The following FHIT variants were observed in gnomAD, a reference collection of about 807,000 sequenced individuals.
The protein encoded by FHIT is fragile histidine triad diadenosine triphosphatase.
In FHIT, 19 loss-of-function variants were observed where a neutral mutation model predicts 17.9. The observed-to-expected ratio is 1.06, with a 90% CI of 0.74 to 1.56. The LOEUF (loss-of-function observed/expected upper bound fraction) is 1.56, where lower values mean the gene tolerates loss of function less well. FHIT is among the 40% of genes most tolerant of loss of function. The pLI is 0.00. For synonymous variants in FHIT, 81 were observed against 69.7 expected, an observed-to-expected ratio of 1.16 and a Z score of -0.81; for missense variants, 248 against 189.2, an observed-to-expected ratio of 1.31 and a Z score of -1.82.
intron 3 of FHIT, among the ~76,000 whole-genome samples, chr3:60,852,127 A>T (rs2106917016): frequency 6.6e-6 from 1 of 152,270 alleles, no homozygotes; most frequent in East Asian, 1.9e-4. Context: ...AGGCTTGATT[A>T]GGACAAAAAA....
chr3:60,754,342 G>C (rs535787650), intron 4 of FHIT, among the ~76,000 whole-genome samples: 1 of 152,174 alleles, frequency 6.6e-6, no homozygotes, highest in African/African-American at 2.4e-5. Context: ...CATCTTAAGC[G>C]TGATATCAAC....
chr3:60,654,204 G>A (rs1454051385), intron 4 of FHIT, among the ~76,000 whole-genome samples: 3 of 152,140 alleles, frequency 2.0e-5, no homozygotes, highest in Admixed American at 1.3e-4. Flanking sequence ...GCAGAACCAT[G>A]AGCCAATTAA....
At chr3:60,329,253 C>G (rs931608585) in intron 5 of FHIT, among the ~76,000 whole-genome samples, 2 of 151,784 alleles carry the variant, frequency 1.3e-5, no homozygotes, top group African/African-American at 2.4e-5. Context: ...TTTATCGAAG[C>G]TTTTGTGATC....
intron 2 of FHIT, among the ~76,000 whole-genome samples, chr3:61,090,970 A>G (rs1025402133): frequency 6.6e-6 from 1 of 152,158 alleles, no homozygotes; most frequent in Non-Finnish European, 1.5e-5. Flanking sequence ...TGCTGGAAAC[A>G]CTTTTCTTTC....
intron 5 of FHIT, among the ~76,000 whole-genome samples, chr3:60,360,048 A>T (rs1699842462): frequency 6.6e-6 from 1 of 151,398 alleles, no homozygotes; most frequent in South Asian, 2.1e-4. Flanking sequence ...GCTTTGGAAA[A>T]AGAATACAAA....
intron 5 of FHIT, among the ~76,000 whole-genome samples, chr3:60,443,732 C>G (rs1156260767): frequency 6.6e-6 from 1 of 152,076 alleles, no homozygotes; most frequent in African/African-American, 2.4e-5. Context: ...GTCTAAAATT[C>G]TCTTTTTTTG....
At chr3:60,135,401 C>G (rs144385594) in intron 5 of FHIT, among the ~76,000 whole-genome samples, 1 of 152,284 alleles carries the variant, frequency 6.6e-6, no homozygotes, top group Non-Finnish European at 1.5e-5. Flanking sequence ...AGCCCAGACT[C>G]TATCCCTACA....
At chr3:59,878,044 G>C (rs1703243122) in intron 8 of FHIT, among the ~76,000 whole-genome samples, 1 of 152,134 alleles carries the variant, frequency 6.6e-6, no homozygotes, top group South Asian at 2.1e-4. Context: ...GGAATAAGTA[G>C]TTATATTTTA....
At chr3:60,308,389 G>C (rs1156992721) in intron 5 of FHIT, among the ~76,000 whole-genome samples, 1 of 152,006 alleles carries the variant, frequency 6.6e-6, no homozygotes, top group African/African-American at 2.4e-5. Context: ...TCTCAGGAGA[G>C]GGAATAATTA....
chr3:60,104,485 T>TTC (rs1704324836), intron 5 of FHIT, among the ~76,000 whole-genome samples: 2 of 151,098 alleles, frequency 1.3e-5, no homozygotes, highest in African/African-American at 4.9e-5. Context: ...AATTAAACTT[T>TTC]TTTTTTTTTT....
intron 8 of FHIT, among the ~76,000 whole-genome samples, chr3:59,892,250 T>G (rs1703884806): frequency 6.6e-6 from 1 of 152,194 alleles, no homozygotes; most frequent in Non-Finnish European, 1.5e-5. Flanking sequence ...TTGAACCTCC[T>G]AAGCAAACTG....
At chr3:59,750,919 ATTTTGTTT>A (rs1559568630) in intron 9 of FHIT, 1 of 193,680 alleles carries the variant, frequency 5.2e-6, no homozygotes, top group African/African-American at 2.3e-5. Context: ...TTATTCACTA[ATTTTGTTT>A]TTTATTTGTG....
In FHIT at chr3:59,821,779, C is replaced by T. The variant is rs906463916; in HGVS notation, c.349-69458G>A. ...TTAAAAAAAATATATAAATGATCTG[C>T]ATTTAGTGATATATTTATTTTTAAT... On this transcript the variant is annotated intron_variant, in intron 8 of 9. Transcript: ENST00000492590. 3.3e-5 allele frequency among the ~76,000 whole-genome samples: 5 copies of T among 151,990 alleles called. No homozygotes were observed. In the South Asian group the frequency reaches 8.3e-4, roughly 25 times the overall value.
In FHIT at chr3:60,141,000, C is replaced by T. The variant is rs1019072986; in HGVS notation, c.104-126848G>A. 3.9e-5 allele frequency among the ~76,000 whole-genome samples: 6 copies of T among 152,040 alleles called. No homozygotes were observed. In the South Asian group the frequency reaches 1.2e-3, roughly 32 times the overall value. Reference sequence around the variant, plus strand: ...CTAGGATGGTTTCAGTCTGGTAACACCAAAAGAAATTCAAAGTTTTAAGTT... The same window carrying T: ...CTAGGATGGTTTCAGTCTGGTAACATCAAAAGAAATTCAAAGTTTTAAGTT... On this transcript the variant is annotated intron_variant, in intron 5 of 9. Coordinates refer to ENST00000492590, the MANE Select transcript of FHIT (RefSeq NM_002012.4).
chr3:60,250,344 C>T (rs888822897), intron 5 of FHIT, among the ~76,000 whole-genome samples: 2 of 152,142 alleles, frequency 1.3e-5, no homozygotes, highest in African/African-American at 4.8e-5. Flanking sequence ...TGAGCAATGA[C>T]TAAAGGAGCA....
chr3:60,224,741 T>TATTTTA (rs1704115832), intron 5 of FHIT, among the ~76,000 whole-genome samples: 2 of 134,864 alleles, frequency 1.5e-5, no homozygotes, highest in African/African-American at 5.6e-5. Context: ...TATTTTATTT[T>TATTTTA]ATTTGACAGG....
intron 5 of FHIT, among the ~76,000 whole-genome samples, chr3:60,195,777 GA>G (rs1448603243): frequency 7.2e-6 from 1 of 139,218 alleles, no homozygotes; most frequent in Non-Finnish European, 1.5e-5. Context: ...ACTCAGGAAA[GA>G]AAAACCAAAT....
At chr3:60,539,801 C>T (rs1023974554) in intron 4 of FHIT, among the ~76,000 whole-genome samples, 7 of 150,578 alleles carry the variant, frequency 4.6e-5, no homozygotes, top group Admixed American at 2.7e-4. Flanking sequence ...TGGGGTGGGG[C>T]GAGGGTGGAG....
At chr3:60,704,259 T>C (rs2041318360) in intron 4 of FHIT, among the ~76,000 whole-genome samples, 1 of 152,212 alleles carries the variant, frequency 6.6e-6, no homozygotes, top group South Asian at 2.1e-4. Context: ...TCAAGTCATT[T>C]ACTACTCCCC....
Sources: gnomAD v4.1 joint callset for allele counts (sites outside exome capture counted in the v4.1 genomes callset) on GRCh38, gnomAD v4.1.1 for gene constraint, MANE v1.5 for transcripts, NCBI Gene and HGNC (gene_info 2026-07-23, HGNC 2026-07-21) for gene names.